The following CCP110 variants were observed in gnomAD, a reference collection of about 807,000 sequenced individuals.
CCP110 encodes the protein centriolar coiled-coil protein of 110 kDa.
CCP110 carries 43 observed loss-of-function variants against 105.5 expected under a neutral mutation model. That is an observed-to-expected ratio of 0.41 (90% CI 0.32 to 0.53). The LOEUF (loss-of-function observed/expected upper bound fraction) is 0.53, where lower values mean the gene tolerates loss of function less well. Ranked by LOEUF, CCP110 falls within the 20% of genes least tolerant of loss-of-function variation. The pLI is 0.32. For synonymous variants in CCP110, 353 were observed against 392.1 expected (o/e 0.90, Z 1.18); for missense variants, 1,016 against 1,189.1 (o/e 0.85, Z 2.14).
At chr16:19,544,478 ATTT>A (rs554260564) in intron 8 of CCP110, among the ~76,000 whole-genome samples, 1 of 152,078 alleles carries the variant, frequency 6.6e-6, no homozygotes. Flanking sequence ...ACATGTACAA[ATTT>A]TTTTTCCTTG....
At position 19,548,087 on chromosome 16, in the gene CCP110, G is replaced by C. The variant is rs1209735229; in HGVS notation, c.2900+73G>C. 2 of 1,045,160 alleles carry C rather than the reference G, an allele frequency of 1.9e-6. No homozygotes were observed. Among genetic ancestry groups the C allele is most frequent in the Admixed American group, 1.8e-5 (1 of 56,090 alleles). 64.7% of individuals were successfully genotyped at this position (1,045,160 alleles called of 1,614,324 possible). ...GATTTGAGAGGGAAAAATAAATCTA[G>C]TGTTCTTTATGTAAAGGATAATGGT... On this transcript the variant is annotated intron_variant, in intron 13 of 14. Transcript: ENST00000381396. The surrounding 1 kb of genome is among the most constrained non-coding windows in gnomAD (Gnocchi z 4.1).
At chr16:19,546,173 C>T (rs1277588266) in intron 11 of CCP110, 1 of 510,856 alleles carries the variant, frequency 2.0e-6, no homozygotes, top group Non-Finnish European at 3.4e-6. Context: ...TAAATATATT[C>T]CTTTTCTGAT....
exon 4 of CCP110, chr16:19,536,204 A>G (rs1970049947): frequency 1.9e-6 from 3 of 1,614,044 alleles, no homozygotes; most frequent in Admixed American, 1.7e-5. Flanking sequence ...TAGTTCCAAT[A>G]TTAGTCATGT....
intron 2 of CCP110, among the ~76,000 whole-genome samples, chr16:19,530,513 G>A (rs1969826746): frequency 6.6e-6 from 1 of 151,860 alleles, no homozygotes; most frequent in Non-Finnish European, 1.5e-5. Context: ...GGGCGTGGTG[G>A]TGGATGCCTG....
intron 1 of CCP110, among the ~76,000 whole-genome samples, chr16:19,527,588 G>T (rs1340098626): frequency 6.6e-6 from 1 of 152,060 alleles, no homozygotes; most frequent in Non-Finnish European, 1.5e-5. Flanking sequence ...CTTTAAGAAG[G>T]TTTTACTGAA....
At chr16:19,527,956 T>C in exon 2 of CCP110, 1 of 1,613,718 alleles carries the variant, frequency 6.2e-7, no homozygotes, top group Non-Finnish European at 8.5e-7. Context: ...CAGAGAGCTT[T>C]CTCCCTGCTC....
chr16:19,541,953 G>A, exon 6 of CCP110: 3 of 1,610,582 alleles, frequency 1.9e-6, no homozygotes, highest in Non-Finnish European at 2.5e-6. Context: ...CTCTGAGTTG[G>A]ACATTAACAA....
chr16:19,531,896 G>A (rs1969882549), intron 2 of CCP110, among the ~76,000 whole-genome samples: 2 of 151,640 alleles, frequency 1.3e-5, no homozygotes, highest in Non-Finnish European at 2.9e-5. Flanking sequence ...AACCCAGGAG[G>A]CGGAGGTTGC....
Position 19,524,011 on chromosome 16 carries a change from C to T in CCP110, c.-93C>T, listed in dbSNP as rs28365802. 249 of 154,416 alleles carry T rather than the reference C, an allele frequency of 1.6e-3. 4 individuals are homozygous for T. The East Asian group carries it at 0.033, about 21-fold the overall frequency. 9.6% of individuals were successfully genotyped at this position (154,416 alleles called of 1,614,324 possible). On this transcript the variant is annotated 5_prime_UTR_variant, in exon 1 of 15. Transcript: ENST00000381396. ...GGCGGCGGACCGAGCTGCGCTCTGT[C>T]AGTACCATTTGAGCCATTCGCTTCC...
At chr16:19,538,878 G>A (rs901459212) in intron 4 of CCP110, among the ~76,000 whole-genome samples, 7 of 151,948 alleles carry the variant, frequency 4.6e-5, no homozygotes, top group South Asian at 4.2e-4. Flanking sequence ...TTGGGAGGCC[G>A]AGGTGGGTGG....
At position 19,548,649 on chromosome 16, in the gene CCP110, C is replaced by A; in HGVS notation, c.2986+49C>A. The A allele has an allele frequency of 8.8e-7, 1 of 1,135,334 alleles. No homozygotes were observed. Among genetic ancestry groups the A allele is most frequent in the Non-Finnish European group, 1.3e-6 (1 of 781,232 alleles). The allele number at this position is 1,135,334 out of a possible 1,614,324, so 70.3% of individuals were successfully genotyped here. Reference sequence around the variant, plus strand: ...AGCCCATTCAATAGAAGGAAGTGCACAAGCTGCCCCATAACTCAGGCCATA... The same window carrying A: ...AGCCCATTCAATAGAAGGAAGTGCAAAAGCTGCCCCATAACTCAGGCCATA... On this transcript the variant is annotated intron_variant, in intron 14 of 14. Coordinates refer to ENST00000381396, the Ensembl canonical transcript of CCP110. This position sits in a 1 kb window ranked among gnomAD's most constrained non-coding sequence, Gnocchi z 4.1.
At chr16:19,543,062 G>A (rs1400714327) in intron 8 of CCP110, 68 bp downstream of exon 8, 17 of 876,590 alleles carry the variant, frequency 1.9e-5, no homozygotes, top group Non-Finnish European at 3.0e-5. Context: ...TGACAGCTGA[G>A]CTAACAGATT....
At chr16:19,547,166 G>C (rs1970490489) in intron 12 of CCP110, 1 of 152,198 alleles carries the variant, frequency 6.6e-6, no homozygotes, top group Non-Finnish European at 1.5e-5. Flanking sequence ...TAGCAGTCTG[G>C]GAGGGTGAGG....
rs779435583 is a variant in CCP110, at chr16:19,536,091, A to T, written c.422A>T (p.Lys141Met). Residue 141 changes from lysine to methionine, a missense_variant, in exon 4 of 15, where the codon AAG (lysine) becomes ATG (methionine). Lys to Met is a moderately conservative substitution (Grantham distance 95). Coordinates refer to ENST00000381396, the Ensembl canonical transcript of CCP110. ...CACTCTACTGCAGCAAAGCTTGATA[A>T]GATAGCTGGGATTTTGCCATTGGAT... 1.1e-5 allele frequency: 18 copies of T among 1,614,030 alleles called. 1 individual carries two copies. In the East Asian group the frequency reaches 1.8e-4, roughly 16 times the overall value.
intron 9 of CCP110, 44 bp from the exon 10 acceptor site, chr16:19,545,050 C>T (rs1026064560): frequency 4.1e-6 from 5 of 1,228,500 alleles, no homozygotes; most frequent in Admixed American, 1.9e-5. Flanking sequence ...GAACTCTAAC[C>T]TCATCTTTTA....
intron 4 of CCP110, among the ~76,000 whole-genome samples, chr16:19,538,238 A>G (rs1970147141): frequency 1.3e-5 from 2 of 150,644 alleles, no homozygotes; most frequent in African/African-American, 4.9e-5. Context: ...TTCTTATTTA[A>G]ATGATGAAGC....
intron 8 of CCP110, 32 bp downstream of exon 8, chr16:19,543,026 TTCTG>T (rs748330232): frequency 8.3e-7 from 1 of 1,206,618 alleles, no homozygotes; most frequent in Non-Finnish European, 1.2e-6. Context: ...TGTATTTCAC[TTCTG>T]TCTTAGTTTC....
chr16:19,538,578 G>A (rs1970165693), intron 4 of CCP110, among the ~76,000 whole-genome samples: 2 of 151,622 alleles, frequency 1.3e-5, no homozygotes, highest in Admixed American at 1.3e-4. Context: ...CCAAAGTGCT[G>A]GAATTACAGG....
chr16:19,527,014 C>T (rs1196645064), intron 1 of CCP110: 1 of 152,114 alleles, frequency 6.6e-6, no homozygotes, highest in Non-Finnish European at 1.5e-5. Flanking sequence ...TCAACATTTA[C>T]TGTTTGCTAA....
Sources: gnomAD v4.1 joint callset for allele counts (sites outside exome capture counted in the v4.1 genomes callset) on GRCh38, gnomAD v4.1.1 for gene constraint, Gnocchi (gnomAD v3.1) non-coding constraint, MANE v1.5 for transcripts, NCBI Gene and HGNC (gene_info 2026-07-23, HGNC 2026-07-21) for gene names.